Variants in NCOR2 observed in about 807,000 individuals in gnomAD.
NCOR2 encodes the protein nuclear receptor corepressor 2.
NCOR2 carries 81 observed loss-of-function variants against 262.9 expected under a neutral mutation model. The observed-to-expected ratio is 0.31, with a 90% CI of 0.26 to 0.37. The LOEUF (loss-of-function observed/expected upper bound fraction) is 0.37. Ranked by LOEUF, NCOR2 falls within the 10% of genes least tolerant of loss-of-function variation. The pLI is 1.00. For synonymous variants in NCOR2, 1,659 were observed against 1,559.3 expected, an observed-to-expected ratio of 1.06 and a Z score of -1.51; for missense variants, 3,385 against 3,621.4, an observed-to-expected ratio of 0.93 and a Z score of 1.68.
intron 1 of NCOR2, among the ~76,000 whole-genome samples, chr12:124,518,461 G>A (rs1345050644): frequency 1.3e-5 from 2 of 152,178 alleles, no homozygotes. Flanking sequence ...CCCCAAACCC[G>A]GGCAGGCCAA....
At chr12:124,337,884 G>A (rs1020215370) in intron 37 of NCOR2, among the ~76,000 whole-genome samples, 1 of 152,176 alleles carries the variant, frequency 6.6e-6, no homozygotes, top group South Asian at 2.1e-4. Flanking sequence ...CCCATCTCTC[G>A]CTAACTCTAC....
intron 17 of NCOR2, among the ~76,000 whole-genome samples, 153 bp downstream of exon 19, chr12:124,385,592 C>T (rs1048964272): frequency 2.6e-5 from 4 of 152,144 alleles, no homozygotes; most frequent in Admixed American, 6.5e-5. Context: ...GGGGTACTCC[C>T]GGGCTTGAAC....
chr12:124,450,922 G>A (rs532583669), intron 6 of NCOR2, among the ~76,000 whole-genome samples: 2 of 152,350 alleles, frequency 1.3e-5, no homozygotes, highest in South Asian at 2.1e-4. Context: ...GACAGTGCAT[G>A]CTAAGCTCTC....
At chr12:124,380,487 T>A (rs1286913991) in intron 17 of NCOR2, among the ~76,000 whole-genome samples, 1 of 152,114 alleles carries the variant, frequency 6.6e-6, no homozygotes, top group Non-Finnish European at 1.5e-5. Flanking sequence ...CCCGCACACG[T>A]CCTGGGCCCA....
intron 9 of NCOR2, among the ~76,000 whole-genome samples, chr12:124,430,348 C>T (rs898348616): frequency 2.0e-5 from 3 of 152,212 alleles, no homozygotes; most frequent in Non-Finnish European, 4.4e-5. Context: ...AGGGGTCGTG[C>T]AGGCCCCAGA....
chr12:124,536,108 T>C (rs1220752951), upstream of NCOR2, among the ~76,000 whole-genome samples: 3 of 152,154 alleles, frequency 2.0e-5, no homozygotes, highest in Admixed American at 2.0e-4. Context: ...TTGTTTTTGT[T>C]TTGGATATAG....
intron 1 of NCOR2, among the ~76,000 whole-genome samples, chr12:124,543,910 CT>C (rs1185132391): frequency 6.6e-6 from 1 of 152,236 alleles, no homozygotes; most frequent in East Asian, 1.9e-4. Flanking sequence ...GTTTCGCTGC[CT>C]CCGCACAATG....
chr12:124,326,061 C>T (rs1222657711), intron 46 of NCOR2, 130 bp downstream of exon 48: 4 of 1,046,828 alleles, frequency 3.8e-6, no homozygotes, highest in Non-Finnish European at 5.1e-6. Flanking sequence ...CCCTGGACAG[C>T]GTTTCCACAG....
intron 43 of NCOR2, 70 bp from the exon 46 acceptor site, chr12:124,330,968 TG>T (rs1330070026): frequency 6.6e-7 from 1 of 1,509,086 alleles, no homozygotes; most frequent in Non-Finnish European, 9.0e-7. Flanking sequence ...CAGTCCCGTG[TG>T]GTCCAGGCCA....
intron 1 of NCOR2, among the ~76,000 whole-genome samples, chr12:124,554,726 C>T (rs890596153): frequency 4.6e-5 from 7 of 152,238 alleles, no homozygotes; most frequent in Admixed American, 3.9e-4. Flanking sequence ...CGCACAGTTC[C>T]GGGAGGTGCC....
intron 25 of NCOR2, 70 bp downstream of exon 27, chr12:124,354,766 TC>T: frequency 1.4e-6 from 2 of 1,461,984 alleles, no homozygotes; most frequent in Non-Finnish European, 9.4e-7. Context: ...TACCCCTTCC[TC>T]CCCCGCCCCA....
chr12:124,430,485 G>A, intron 9 of NCOR2, 130 bp downstream of exon 11: 2 of 1,098,564 alleles, frequency 1.8e-6, no homozygotes, highest in Non-Finnish European at 2.5e-6. Flanking sequence ...GGGTCTGGTA[G>A]GGCCCTGGCC....
chr12:124,489,670 G>A (rs1195221014), intron 1 of NCOR2, among the ~76,000 whole-genome samples: 1 of 152,156 alleles, frequency 6.6e-6, no homozygotes, highest in Non-Finnish European at 1.5e-5. Context: ...CTCTGAAGCT[G>A]GAAATCAGGG....
intron 22 of NCOR2, among the ~76,000 whole-genome samples, chr12:124,358,144 T>C (rs2038150702): frequency 6.7e-6 from 1 of 148,788 alleles, no homozygotes; most frequent in South Asian, 2.1e-4. Flanking sequence ...TGTGTGTGCA[T>C]GGATGTGTGT....
intron 17 of NCOR2, 150 bp downstream of exon 19, chr12:124,385,595 G>C (rs888849649): frequency 1.6e-6 from 2 of 1,214,040 alleles, no homozygotes; most frequent in Admixed American, 2.3e-5. Flanking sequence ...GTACTCCCGG[G>C]CTTGAACCCC....
At position 124,504,030 on chromosome 12, in the gene NCOR2, A is replaced by C. The variant is rs1401452917; in HGVS notation, c.-117-8662T>G. On this transcript the variant is annotated intron_variant, in intron 1 of 46. Transcript: ENST00000404621. The surrounding 1 kb of genome is among the most constrained non-coding windows in gnomAD (Gnocchi z 4.5). ...TGCTGAGTAAGAAGGACCCTAGGGA[A>C]AACTGCCTCCAGTCCCAAACCCAGA... Among the ~76,000 whole-genome samples the C allele has an allele frequency of 6.6e-6, 1 of 152,158 alleles. No homozygotes were observed.
chr12:124,506,413 C>T (rs543701999), intron 1 of NCOR2, among the ~76,000 whole-genome samples: 2 of 152,278 alleles, frequency 1.3e-5, no homozygotes, highest in East Asian at 1.9e-4. Context: ...GTCCGCTGGA[C>T]GGCAGCCAGC....
intron 40 of NCOR2, 148 bp downstream of exon 42, chr12:124,334,987 C>T (rs1212285663): frequency 2.4e-6 from 3 of 1,230,810 alleles, no homozygotes; most frequent in Non-Finnish European, 3.5e-6. Context: ...CTCACCCTCA[C>T]CCACGCCCTG....
Position 124,400,465 on chromosome 12 carries a change from C to A in NCOR2, c.1813+36G>T, listed in dbSNP as rs768818818. On this transcript the variant is annotated intron_variant, in intron 15 of 46. Coordinates refer to ENST00000405201, the Ensembl canonical transcript of NCOR2. ...TGAGCGCAACCCGCCGTGTCTCCAG[C>A]CCCTTCCCCACCCGCATCCCTGGCC... The A allele has an allele frequency of 1.6e-5, 25 of 1,601,966 alleles. 1 individual carries two copies. In the South Asian group the frequency reaches 2.8e-4, roughly 18 times the overall value.
Sources: gnomAD v4.1 joint callset for allele counts (sites outside exome capture counted in the v4.1 genomes callset) on GRCh38, gnomAD v4.1.1 for gene constraint, Gnocchi (gnomAD v3.1) non-coding constraint, MANE v1.5 for transcripts, NCBI Gene and HGNC (gene_info 2026-07-23, HGNC 2026-07-21) for gene names.